Variants in KCNH8 observed in about 807,000 individuals in gnomAD.
The protein encoded by KCNH8 is potassium voltage-gated channel subfamily H member 8, also known as voltage-gated delayed rectifier potassium channel KCNH8.
A neutral mutation model predicts 103.6 loss-of-function variants in KCNH8; 70 were observed. The ratio of observed to expected loss-of-function variants is 0.68; its 90% CI spans 0.56 to 0.82. The LOEUF (loss-of-function observed/expected upper bound fraction) is 0.82, where lower values mean the gene tolerates loss of function less well. Ranked by LOEUF, KCNH8 falls within the 40% of genes least tolerant of loss-of-function variation. The pLI is 0.00. For missense variants in KCNH8, 1,217 were observed against 1,329.9 expected, an observed-to-expected ratio of 0.92 and a Z score of 1.32; for synonymous variants, 498 against 489.4, an observed-to-expected ratio of 1.02 and a Z score of -0.23.
rs116230555 is a variant in KCNH8, at chr3:19,486,213, C to G, written c.2041-24150C>G. 6.3e-3 allele frequency among the ~76,000 whole-genome samples: 964 copies of G among 152,284 alleles called. 14 individuals are homozygous for G. Among genetic ancestry groups the G allele is most frequent in the African/African-American group, 0.022 (927 of 41,548 alleles). On this transcript the variant is annotated intron_variant, in intron 11 of 15. Transcript: ENST00000328405. ...TCAGGTCTGCTAGAATAGACTGAGC[C>G]CAACACCTCTACACAGTTATGCTCA...
At chr3:19,352,014 T>A (rs1282194198) in intron 5 of KCNH8, among the ~76,000 whole-genome samples, 3 of 151,952 alleles carry the variant, frequency 2.0e-5, no homozygotes, top group Admixed American at 6.6e-5. Context: ...GAGACACACA[T>A]AGACTCAAAA....
intron 2 of KCNH8, among the ~76,000 whole-genome samples, chr3:19,276,161 A>G (rs1575488621): frequency 7.0e-6 from 1 of 142,166 alleles, no homozygotes; most frequent in African/African-American, 2.7e-5. Flanking sequence ...CCCCACTCCC[A>G]CCCCAATATG....
chr3:19,288,434 T>C (rs1277344914), intron 3 of KCNH8, among the ~76,000 whole-genome samples: 1 of 150,648 alleles, frequency 6.6e-6, no homozygotes, highest in East Asian at 2.0e-4. Context: ...CCTGTATCCA[T>C]GTGTTCTCAT....
chr3:19,394,386 A>G (rs1005015767), intron 6 of KCNH8, among the ~76,000 whole-genome samples: 1 of 152,020 alleles, frequency 6.6e-6, no homozygotes, highest in Non-Finnish European at 1.5e-5. Flanking sequence ...CTACAAGTCT[A>G]CTGCTATAGT....
intron 11 of KCNH8, among the ~76,000 whole-genome samples, chr3:19,484,851 T>A (rs1036680410): frequency 2.6e-5 from 4 of 152,118 alleles, no homozygotes; most frequent in African/African-American, 9.7e-5. Context: ...TAATTCAATT[T>A]CACCTAACTC....
At chr3:19,217,833 T>C (rs1204528189) in intron 1 of KCNH8, among the ~76,000 whole-genome samples, 1 of 152,190 alleles carries the variant, frequency 6.6e-6, no homozygotes, top group Non-Finnish European at 1.5e-5. Context: ...TGTCTAGGCT[T>C]TCTGAGTTAA....
chr3:19,263,941 C>T (rs989208242), intron 2 of KCNH8, among the ~76,000 whole-genome samples: 1 of 152,002 alleles, frequency 6.6e-6, no homozygotes, highest in Non-Finnish European at 1.5e-5. Context: ...AGTTACCATG[C>T]TTCTTTCAAC....
Position 19,513,291 on chromosome 3 carries a change from T to G in KCNH8, c.2401T>G (p.Leu801Val). Residue 801 changes from leucine (L) to valine (V), a missense_variant, in exon 13 of 16, where the codon TTG becomes GTG. Transcript: ENST00000328405. ...GAACTTGAAATTGCAACTTTCAACT[T>G]TGAATAATGCTGGACCCCCAGACCT... ...EKNLKLQLST[L>V]NNAGPPDLSP... is the part of the protein sequence containing the mutation. The G allele has an allele frequency of 6.2e-7, 1 of 1,611,582 alleles. No homozygotes were observed. The highest frequency in any genetic ancestry group is 8.5e-7 in the Non-Finnish European group (1 of 1,179,098).
At position 19,390,634 on chromosome 3, in the gene KCNH8, C is replaced by G; in HGVS notation, c.965C>G (p.Thr322Arg). The change falls in exon 6 of 16, where the codon ACA becomes AGA. Residue 322 changes from threonine to arginine, a missense_variant. Around this residue, in one of 3 missense-constraint regions of KCNH8, gnomAD observed 415 missense variants for 577.4 expected, o/e 0.72. Transcript: ENST00000328405. ...GATCTTCTGTATGCTTTCAACGTCA[C>G]AGTGGTGAGTAAAGAGCTCCCCGCC... ...PFDLLYAFNV[T>R]VVSLVHLLKT... 1 of 1,612,174 alleles carries G rather than the reference C, an allele frequency of 6.2e-7. No homozygotes were observed. Among genetic ancestry groups the G allele is most frequent in the Non-Finnish European group, 8.5e-7 (1 of 1,179,102 alleles).
At chr3:19,179,867 G>C (rs933243867) in intron 1 of KCNH8, among the ~76,000 whole-genome samples, 1 of 152,056 alleles carries the variant, frequency 6.6e-6, no homozygotes, top group East Asian at 1.9e-4. Flanking sequence ...TTGCAGTAGA[G>C]TTGGTAAGTA....
At chr3:19,308,700 CTCTCTCTCTCTCTCTCT>C (rs2065165023) in intron 3 of KCNH8, among the ~76,000 whole-genome samples, 39 of 79,856 alleles carry the variant, frequency 4.9e-4, no homozygotes, top group Non-Finnish European at 6.0e-4. Context: ...CTCTCTCTCT[CTCTCTCTCTCTCTCTCT>C]CCCCCTCTCT....
rs534735844 is a variant in KCNH8 at position 19,274,666 on chromosome 3, G to A, written c.311-6532G>A. On this transcript the variant is annotated intron_variant, in intron 2 of 15. Coordinates refer to ENST00000328405, the MANE Select transcript of KCNH8 (RefSeq NM_144633.3). ...CACCTGAAGTTTCCAGGCTCCTCTT[G>A]TTCCTAATTATTAGAGATTTCTGAG... Among the ~76,000 whole-genome samples, 71 of 152,122 alleles carry A rather than the reference G, an allele frequency of 4.7e-4. No homozygotes were observed. In the Middle Eastern group the frequency reaches 0.01, roughly 22 times the overall value.
chr3:19,448,734 A>G (rs2067399220), intron 8 of KCNH8, among the ~76,000 whole-genome samples: 1 of 152,096 alleles, frequency 6.6e-6, no homozygotes, highest in South Asian at 2.1e-4. Context: ...ATAGATCCTA[A>G]TAGACAAGCT....
At chr3:19,398,072 T>C (rs1304267062) in intron 7 of KCNH8, among the ~76,000 whole-genome samples, 1 of 151,994 alleles carries the variant, frequency 6.6e-6, no homozygotes, top group African/African-American at 2.4e-5. Context: ...CTTATGTTTG[T>C]GTTTAACATT....
rs2063970261 is a variant in KCNH8, at chr3:19,229,617, C to T, written c.77-24037C>T. Reference sequence around the variant, plus strand: ...CCAGGCCCAGCCCAAGAAACATTTTCTCCTAGGCCTCTGGGCCTGTGATGG... The same window carrying T: ...CCAGGCCCAGCCCAAGAAACATTTTTTCCTAGGCCTCTGGGCCTGTGATGG... On this transcript the variant is annotated intron_variant, in intron 1 of 15. Coordinates refer to ENST00000328405, the MANE Select transcript of KCNH8 (RefSeq NM_144633.3). 4.6e-5 allele frequency among the ~76,000 whole-genome samples: 7 copies of T among 152,236 alleles called. No individual in the cohort carries two copies. The South Asian group carries it at 1.2e-3, about 27-fold the overall frequency.
chr3:19,219,809 G>A (rs1190570513), intron 1 of KCNH8, among the ~76,000 whole-genome samples: 2 of 152,072 alleles, frequency 1.3e-5, no homozygotes, highest in Admixed American at 1.3e-4. Flanking sequence ...CTTAGCATGC[G>A]GAGAAGCAAT....
At chr3:19,433,835 G>A (rs1335109260) in intron 7 of KCNH8, among the ~76,000 whole-genome samples, 2 of 152,156 alleles carry the variant, frequency 1.3e-5, no homozygotes, top group Non-Finnish European at 2.9e-5. Context: ...ATGCCGTTAC[G>A]GCTTTGTGCC....
In KCNH8 at chr3:19,513,047, G is replaced by A. The variant is rs772031147; in HGVS notation, c.2157G>A (p.Gly719=). The change falls in exon 13 of 16, where the codon GGG becomes GGA. Residue 719 remains glycine, a synonymous_variant. Coordinates refer to ENST00000328405, the MANE Select transcript of KCNH8 (RefSeq NM_144633.3). ...IVEDEEEEEE[G]EEEEAVSLSP... ...AAGATGAGGAAGAGGAGGAGGAGGG[G>A]GAGGAAGAGGAGGCAGTCTCCCTCT... 6.2e-7 allele frequency: 1 copy of A among 1,613,644 alleles called. No individual in the cohort carries two copies. The highest frequency in any genetic ancestry group is 2.2e-5 in the East Asian group (1 of 44,812).
At chr3:19,471,245 T>C (rs925111800) in intron 11 of KCNH8, among the ~76,000 whole-genome samples, 2 of 152,200 alleles carry the variant, frequency 1.3e-5, no homozygotes, top group African/African-American at 2.4e-5. Flanking sequence ...AATTTGCATA[T>C]GCACACACAT....
Sources: gnomAD v4.1 joint callset for allele counts (sites outside exome capture counted in the v4.1 genomes callset) on GRCh38, gnomAD v4.1.1 for gene constraint, gnomAD v4.1.1 regional missense constraint, MANE v1.5 for transcripts, NCBI Gene and HGNC (gene_info 2026-07-23, HGNC 2026-07-21) for gene names.